Variants in ZW10 observed in about 807,000 individuals in gnomAD.
ZW10 encodes centromere/kinetochore protein zw10 homolog.
In ZW10, 53 loss-of-function variants were observed where a neutral mutation model predicts 87.8. That is an observed-to-expected ratio of 0.60 (90% confidence interval 0.48 to 0.76). ZW10 has a LOEUF of 0.76. ZW10 is among the 30% of genes least tolerant of loss of function. The probability of loss-of-function intolerance (pLI) is 0.00; values close to 1 mark genes in which losing one functional copy is unlikely to be tolerated. For synonymous variants in ZW10, 312 were observed against 329.2 expected (o/e 0.95, Z 0.57); for missense variants, 837 against 923.0 (o/e 0.91, Z 1.21).
In ZW10 at chr11:113,738,315, T is replaced by G. The variant is rs1953575546; in HGVS notation, c.1833A>C (p.Ser611=). 3.7e-6 allele frequency: 6 copies of G among 1,613,296 alleles called. No homozygotes were observed. In the Admixed American group the frequency reaches 1.0e-4, roughly 27 times the overall value. The change falls in exon 13 of 16, where the codon TCA becomes TCC. Residue 611 remains serine, a synonymous_variant. Transcript: ENST00000200135. ...LERLSSARNF[S]NMDDEENYSA... ...AATAATTCTCTTCATCGTCCATATT[T>G]GAAAAGTTCCTAGCACTTGATAATC...
At chr11:113,743,432 CATGT>C (rs760138676) in intron 10 of ZW10, among the ~76,000 whole-genome samples, 12 of 152,282 alleles carry the variant, frequency 7.9e-5, no homozygotes, top group Non-Finnish European at 1.6e-4. Flanking sequence ...AAGTTCTTTG[CATGT>C]GTTTTCTCAT....
Position 113,736,797 on chromosome 11 carries a change from C to CTA in ZW10, c.2040_2041dup (p.Arg681IlefsTer10). On this transcript the variant is annotated frameshift_variant, in exon 15 of 16. Coordinates refer to ENST00000200135, the MANE Select transcript of ZW10 (RefSeq NM_004724.4). LOFTEE classifies it high-confidence loss of function. ...CACTGTTTTGCATAAGGAATATAAC[C>CTA]TATCACCATCTTCAGTAGATATGTC... 2.5e-6 allele frequency: 4 copies of CTA among 1,614,086 alleles called. No homozygotes were observed. The highest frequency in any genetic ancestry group is 3.4e-6 in the Non-Finnish European group (4 of 1,179,992).
intron 2 of ZW10, among the ~76,000 whole-genome samples, chr11:113,763,711 CT>C (rs1368979037): frequency 6.6e-6 from 1 of 151,632 alleles, no homozygotes; most frequent in Admixed American, 6.6e-5. Context: ...GATGGGGTTG[CT>C]TTTTTCTTAT....
chr11:113,761,201 T>C (rs1326063492), intron 2 of ZW10, among the ~76,000 whole-genome samples: 5 of 152,190 alleles, frequency 3.3e-5, no homozygotes, highest in Non-Finnish European at 7.3e-5. Context: ...ATCAGAGAGC[T>C]CACCCACCTG....
In ZW10 at chr11:113,737,814, T is replaced by C. The variant is rs539284189; in HGVS notation, c.1885-111A>G. ...TTGGGAAAGTGGCATTATGCCAAAA[T>C]GAGGTAAAGTAACTAAGGACATATG... On this transcript the variant is annotated intron_variant, in intron 13 of 15. Transcript: ENST00000200135. The C allele has an allele frequency of 6.4e-6, 8 of 1,257,894 alleles. No homozygotes were observed. The African/African-American group carries it at 1.0e-4, about 16-fold the overall frequency. 77.9% of individuals were successfully genotyped at this position (1,257,894 alleles called of 1,614,324 possible).
chr11:113,772,818 C>CAAAA lies in ZW10; in HGVS notation c.105+740_105+743dup, dbSNP rs58651654. 7.5e-5 allele frequency among the ~76,000 whole-genome samples: 7 copies of CAAAA among 93,568 alleles called. No individual in the cohort carries two copies. In the South Asian group the frequency reaches 1.8e-3, roughly 24 times the overall value. The allele number at this position is 93,568 out of a possible 152,430, so 61.4% of individuals were successfully genotyped here. ...TGAAACTCCGTCTGTACTAAAAATA[C>CAAAA]AAAAAAAAAAAAAAAAAAATTAGCC... On this transcript the variant is annotated intron_variant, in intron 1 of 15. Transcript: ENST00000200135.
intron 2 of ZW10, among the ~76,000 whole-genome samples, chr11:113,761,999 TAAACTCCTTGTTGCTAAATCCAAAGC>T (rs1481749856): frequency 6.6e-6 from 1 of 152,078 alleles, no homozygotes; most frequent in Non-Finnish European, 1.5e-5. Context: ...ACAAAAACAC[TAAACTCCTTGTTGCTAAATCCAAAGC>T]AAATATTACT....
intron 14 of ZW10, 135 bp from the exon 15 acceptor site, chr11:113,736,957 TACTAGAC>T: frequency 1.5e-6 from 1 of 688,066 alleles, no homozygotes; most frequent in Non-Finnish European, 2.6e-6. Context: ...TGGAACAACT[TACTAGAC>T]ACTACATCAG....
intron 11 of ZW10, among the ~76,000 whole-genome samples, chr11:113,741,454 T>G (rs1453440859): frequency 6.6e-6 from 1 of 152,228 alleles, no homozygotes; most frequent in Non-Finnish European, 1.5e-5. Context: ...AACAAGGTAG[T>G]TCTTTTGAGT....
At chr11:113,772,848 G>A (rs539913719) in intron 1 of ZW10, among the ~76,000 whole-genome samples, 61 of 151,142 alleles carry the variant, frequency 4.0e-4, no homozygotes, top group Non-Finnish European at 7.5e-4. Flanking sequence ...TTAGCCAGGC[G>A]TGGTGGCACG....
rs1953516913 is a variant in ZW10 at position 113,733,712 on chromosome 11, G to C, written c.2322C>G (p.Ala774=). 1 of 1,613,822 alleles carries C rather than the reference G, an allele frequency of 6.2e-7. No homozygotes were observed. Among genetic ancestry groups the C allele is most frequent in the Admixed American group, 1.7e-5 (1 of 59,978 alleles). Residue 774 remains alanine, a synonymous_variant, in exon 16 of 16, where the codon GCC becomes GCG. Coordinates refer to ENST00000200135, the MANE Select transcript of ZW10 (RefSeq NM_004724.4). ...GATGGAGCTATTTAATTTTAGCAAG[G>C]GCAGCTGCTCTTCTTTCTGTGTTCT... ...LFQNTERRAA[A]LAKIK
At chr11:113,767,537 A>T (rs955771994) in intron 2 of ZW10, among the ~76,000 whole-genome samples, 2 of 151,730 alleles carry the variant, frequency 1.3e-5, no homozygotes, top group African/African-American at 4.8e-5. Context: ...GAAAGTCACT[A>T]CCCTTTTTTT....
chr11:113,734,271 T>C (rs1055924877), intron 15 of ZW10, among the ~76,000 whole-genome samples: 2 of 152,154 alleles, frequency 1.3e-5, no homozygotes, highest in Non-Finnish European at 2.9e-5. Flanking sequence ...AGGCATTACA[T>C]AATAGAAGAA....
intron 1 of ZW10, among the ~76,000 whole-genome samples, chr11:113,771,939 T>G (rs1394025164): frequency 6.6e-6 from 1 of 152,106 alleles, no homozygotes; most frequent in Non-Finnish European, 1.5e-5. Context: ...TACTATATAC[T>G]TGAGCAACAA....
At chr11:113,736,579 C>T (rs1221008855) in intron 15 of ZW10, 41 bp downstream of exon 15, 1 of 1,586,856 alleles carries the variant, frequency 6.3e-7, no homozygotes, top group Non-Finnish European at 8.7e-7. Flanking sequence ...TCTCTTGTAG[C>T]TATGGAGAGT....
At chr11:113,737,442 GA>G (rs3835162) in intron 14 of ZW10, 129 bp downstream of exon 14, 170,186 of 808,000 alleles carry the variant, frequency 0.21, 5,282 homozygotes, top group East Asian at 0.34. Context: ...AAACAAAACT[GA>G]AAAAAAAAAA....
Position 113,743,985 on chromosome 11 carries a change from T to C in ZW10, c.1328A>G (p.Asn443Ser). Residue 443 changes from asparagine (N) to serine (S), a missense_variant, in exon 10 of 16, where the codon AAC becomes AGC. Asn to Ser is a conservative substitution (Grantham distance 46). Transcript: ENST00000200135. ...GGATACTTTCTGTACTTCCAGTTTG[T>C]TATCCTCATCAGGAGTGGGTAACTC... is the stretch of plus-strand genomic sequence containing the variant. ...VPELPTPDED[N>S]KLEVQKVSNT... 1 of 1,614,234 alleles carries C rather than the reference T, an allele frequency of 6.2e-7. No homozygotes were observed. Among genetic ancestry groups the C allele is most frequent in the South Asian group, 1.1e-5 (1 of 91,086 alleles).
intron 7 of ZW10, 45 bp downstream of exon 7, chr11:113,757,617 T>C (rs745653322): frequency 3.9e-6 from 5 of 1,282,882 alleles, no homozygotes; most frequent in African/African-American, 1.5e-5. Context: ...TTATAAACAA[T>C]ATTTAGTTTC....
At chr11:113,763,074 T>C (rs1953878848) in intron 2 of ZW10, among the ~76,000 whole-genome samples, 1 of 152,116 alleles carries the variant, frequency 6.6e-6, no homozygotes, top group Non-Finnish European at 1.5e-5. Context: ...TGTCCATGCG[T>C]TCTCATTGTT....
Sources: gnomAD v4.1 joint callset for allele counts (sites outside exome capture counted in the v4.1 genomes callset) on GRCh38, gnomAD v4.1.1 for gene constraint, MANE v1.5 for transcripts, NCBI Gene and HGNC (gene_info 2026-07-23, HGNC 2026-07-21) for gene names.